The following ERC2 variants were observed in gnomAD, a reference collection of about 807,000 sequenced individuals.
The protein encoded by ERC2 is ELKS/RAB6-interacting/CAST family member 2.
In ERC2, 42 loss-of-function variants were observed where a neutral mutation model predicts 114.8. The ratio of observed to expected loss-of-function variants is 0.37; its 90% CI spans 0.29 to 0.47. The LOEUF (loss-of-function observed/expected upper bound fraction) is 0.47, where lower values mean the gene tolerates loss of function less well. Among genes scored for constraint, ERC2 ranks in the 20% least tolerant of loss-of-function variants. The pLI, the probability that ERC2 is intolerant of heterozygous loss-of-function variation, is 0.99. For missense variants in ERC2, 939 were observed against 1,150.7 expected (o/e 0.82, Z 2.66); for synonymous variants, 454 against 425.5 (o/e 1.07, Z -0.82).
In ERC2 at chr3:56,085,909, G is replaced by T. The variant is rs192091683; in HGVS notation, c.1474-4925C>A. The stretch of plus-strand genomic sequence containing the variant: ...GCATCCTACCTATCAAAGCTGGATG[G>T]TCTATATCTGGACTAAAGGAAATGC... On this transcript the variant is annotated intron_variant, in intron 6 of 17. Transcript: ENST00000288221. Among the ~76,000 whole-genome samples, 261 of 152,224 alleles carry T rather than the reference G, an allele frequency of 1.7e-3. 2 individuals are homozygous for T. Among genetic ancestry groups the T allele is most frequent in the Admixed American group, 0.011 (171 of 15,292 alleles).
chr3:56,082,483 G>A lies in ERC2; in HGVS notation c.1474-1499C>T, dbSNP rs559586889. ...CCAGTCTCGGTGCTTTGTTCTAGCA[G>A]CCTGAATGAACTAAGACAACCACCA... On this transcript the variant is annotated intron_variant, in intron 6 of 17. Coordinates refer to ENST00000288221, the MANE Select transcript of ERC2 (RefSeq NM_015576.3). Among the ~76,000 whole-genome samples the A allele has an allele frequency of 2.6e-5, 4 of 152,058 alleles. No homozygotes were observed. In the South Asian group the frequency reaches 8.4e-4, roughly 32 times the overall value.
chr3:56,085,069 G>T (rs945699735), intron 6 of ERC2, among the ~76,000 whole-genome samples: 1 of 152,218 alleles, frequency 6.6e-6, no homozygotes, highest in Non-Finnish European at 1.5e-5. Flanking sequence ...AAAACCAAGA[G>T]GTGTGAACAG....
chr3:55,536,518 T>C (rs1377349816), intron 17 of ERC2, among the ~76,000 whole-genome samples: 1 of 152,230 alleles, frequency 6.6e-6, no homozygotes, highest in Non-Finnish European at 1.5e-5. Context: ...ATTGATTGGC[T>C]GAGCTGACTT....
At chr3:55,677,891 C>T (rs1207796933) in intron 17 of ERC2, among the ~76,000 whole-genome samples, 2 of 152,144 alleles carry the variant, frequency 1.3e-5, no homozygotes, top group Non-Finnish European at 2.9e-5. Flanking sequence ...CTAAGCTCCT[C>T]GAGGGTAGGA....
At chr3:55,814,619 T>C (rs991934645) in intron 14 of ERC2, among the ~76,000 whole-genome samples, 7 of 152,246 alleles carry the variant, frequency 4.6e-5, no homozygotes, top group Non-Finnish European at 7.3e-5. Context: ...TCAATCTTTC[T>C]ATAGAAGTAG....
chr3:56,219,633 G>A (rs985519407), intron 3 of ERC2, among the ~76,000 whole-genome samples: 1 of 142,628 alleles, frequency 7.0e-6, no homozygotes, highest in South Asian at 2.2e-4. Context: ...TTACAGGTGC[G>A]ACTTTAGGCT....
intron 14 of ERC2, among the ~76,000 whole-genome samples, chr3:55,746,005 C>T (rs1261068924): frequency 3.9e-5 from 6 of 152,108 alleles, no homozygotes; most frequent in Admixed American, 6.6e-5. Context: ...GCAAATTGTC[C>T]GCCTACATCT....
intron 7 of ERC2, among the ~76,000 whole-genome samples, chr3:56,068,018 T>C (rs538949862): frequency 6.6e-6 from 1 of 152,328 alleles, no homozygotes; most frequent in South Asian, 2.1e-4. Context: ...GTTGTGTCTC[T>C]GCCAGATTTT....
intron 14 of ERC2, among the ~76,000 whole-genome samples, chr3:55,795,486 T>C (rs181214672): frequency 4.6e-5 from 7 of 152,274 alleles, no homozygotes; most frequent in Admixed American, 4.6e-4. Context: ...ACATTAACAG[T>C]GGGATTGTTT....
intron 3 of ERC2, among the ~76,000 whole-genome samples, chr3:56,214,692 C>A (rs1342495526): frequency 6.6e-6 from 1 of 151,938 alleles, no homozygotes; most frequent in African/African-American, 2.4e-5. Flanking sequence ...ACATAATTGT[C>A]AGATTCACCA....
At chr3:55,747,301 G>A (rs565153403) in intron 14 of ERC2, among the ~76,000 whole-genome samples, 1 of 152,034 alleles carries the variant, frequency 6.6e-6, no homozygotes, top group South Asian at 2.1e-4. Flanking sequence ...GAAGTTTTAG[G>A]TGCCTGTTTT....
chr3:55,980,186 T>C (rs1408938640), intron 12 of ERC2, among the ~76,000 whole-genome samples: 1 of 152,024 alleles, frequency 6.6e-6, no homozygotes, highest in Non-Finnish European at 1.5e-5. Flanking sequence ...TTCTGGGTTC[T>C]GTTTTATTTT....
chr3:56,348,949 A>G (rs747307742), intron 2 of ERC2, among the ~76,000 whole-genome samples: 123 of 137,846 alleles, frequency 8.9e-4, no homozygotes, highest in African/African-American at 3.3e-3. Flanking sequence ...GGAAGGAAGG[A>G]AGGAAGGAAA....
chr3:56,388,002 A>G (rs934274888), intron 2 of ERC2, among the ~76,000 whole-genome samples: 4 of 152,092 alleles, frequency 2.6e-5, no homozygotes, highest in Non-Finnish European at 5.9e-5. Flanking sequence ...CTTCCATTCT[A>G]TTTCTCCCCA....
chr3:56,212,887 A>T (rs1052703497), intron 3 of ERC2, among the ~76,000 whole-genome samples: 1 of 152,224 alleles, frequency 6.6e-6, no homozygotes, highest in Non-Finnish European at 1.5e-5. Context: ...AGCAACCTGG[A>T]TGGAACTGGA....
chr3:56,097,800 G>A (rs2078143220), intron 6 of ERC2, among the ~76,000 whole-genome samples: 1 of 152,056 alleles, frequency 6.6e-6, no homozygotes, highest in Non-Finnish European at 1.5e-5. Context: ...ACAAACTAAG[G>A]GGCTATTGTT....
At chr3:55,939,519 A>C (rs2066650050) in intron 13 of ERC2, among the ~76,000 whole-genome samples, 1 of 152,218 alleles carries the variant, frequency 6.6e-6, no homozygotes, top group African/African-American at 2.4e-5. Flanking sequence ...TCTTAACCTA[A>C]AAGAATATGT....
Position 56,400,787 on chromosome 3 carries a change from T to A in ERC2, c.657+33564A>T, listed in dbSNP as rs540669164. On this transcript the variant is annotated intron_variant, in intron 2 of 17. Coordinates refer to ENST00000288221, the MANE Select transcript of ERC2 (RefSeq NM_015576.3). The stretch of plus-strand genomic sequence containing the variant: ...CTCTGTGGCCCAGATTTTAGTCTGA[T>A]ACGTAAGTGGAACATCAATCAAATA... Among the ~76,000 whole-genome samples the A allele has an allele frequency of 2.0e-5, 3 of 152,350 alleles. No individual in the cohort carries two copies. In the East Asian group the frequency reaches 5.8e-4, roughly 29 times the overall value.
intron 17 of ERC2, among the ~76,000 whole-genome samples, chr3:55,571,167 C>T (rs2056692004): frequency 6.9e-6 from 1 of 144,682 alleles, no homozygotes; most frequent in African/African-American, 2.5e-5. Flanking sequence ...TCAATGTCTT[C>T]TTCCCTACTG....
Sources: allele counts gnomAD v4.1 joint callset (sites outside exome capture counted in the v4.1 genomes callset), GRCh38; gene constraint gnomAD v4.1.1; transcripts MANE v1.5; gene names NCBI Gene and HGNC (gene_info 2026-07-23, HGNC 2026-07-21).